Variants in SLC16A2 observed in about 807,000 individuals in gnomAD.
The protein encoded by SLC16A2 is monocarboxylate transporter 8.
SLC16A2 carries 3 observed loss-of-function variants against 27.2 expected under a neutral mutation model. The observed-to-expected ratio is 0.11, with a 90% CI of 0.05 to 0.28. The LOEUF (loss-of-function observed/expected upper bound fraction) is 0.28. Among genes scored for constraint, SLC16A2 ranks in the 10% least tolerant of loss-of-function variants. SLC16A2 has a pLI of 1.00. For synonymous variants in SLC16A2, 202 were observed against 187.8 expected (o/e 1.08, Z -0.62); for missense variants, 295 against 458.5 (o/e 0.64, Z 3.26).
chrX:74,482,998 G>A (rs1371098860), intron 1 of SLC16A2, among the ~76,000 whole-genome samples: 1 of 111,984 alleles, frequency 8.9e-6, no homozygotes, highest in Non-Finnish European at 1.9e-5. Context: ...GAGCCACCCT[G>A]ACTGACTCTT....
chrX:74,435,553 AT>A (rs574089496), intron 1 of SLC16A2, among the ~76,000 whole-genome samples: 1,679 of 87,713 alleles, frequency 0.019, 19 homozygotes, highest in African/African-American at 0.024. Context: ...ATATATATAT[AT>A]TTTTTTTTTT....
intron 1 of SLC16A2, among the ~76,000 whole-genome samples, chrX:74,463,161 C>T (rs140394446): frequency 0.013 from 1,469 of 111,355 alleles, 22 homozygotes; most frequent in African/African-American, 0.046. Context: ...AAAAAAAAAT[C>T]GGTGGAGTTT....
intron 1 of SLC16A2, among the ~76,000 whole-genome samples, chrX:74,520,106 G>C (rs977321363): frequency 4.5e-5 from 5 of 112,331 alleles, no homozygotes; most frequent in African/African-American, 9.7e-5. Flanking sequence ...ATTGGAGAGA[G>C]CCAGAAGTTG....
At chrX:74,465,386 G>A (rs1351053617) in intron 1 of SLC16A2, among the ~76,000 whole-genome samples, 1 of 110,550 alleles carries the variant, frequency 9.0e-6, no homozygotes, top group Admixed American at 9.6e-5. Flanking sequence ...AATGAACTAT[G>A]GCAGAGAAAG....
At chrX:74,492,329 T>C (rs1266939760) in intron 1 of SLC16A2, among the ~76,000 whole-genome samples, 1 of 111,022 alleles carries the variant, frequency 9.0e-6, no homozygotes, top group Non-Finnish European at 1.9e-5. Flanking sequence ...CAAGAAAAAG[T>C]ACATTCTAAG....
chrX:74,471,234 A>G (rs1025141847), intron 1 of SLC16A2, among the ~76,000 whole-genome samples: 5 of 111,900 alleles, frequency 4.5e-5, no homozygotes, highest in Admixed American at 2.9e-4. Flanking sequence ...TGCATTTTAC[A>G]TTTAGGTCTA....
chrX:74,423,124 G>A (rs1199603407), intron 1 of SLC16A2, among the ~76,000 whole-genome samples: 1 of 112,573 alleles, frequency 8.9e-6, no homozygotes, highest in African/African-American at 3.2e-5. Flanking sequence ...TCCCAGCAAA[G>A]CCGCTGGCGA....
intron 1 of SLC16A2, among the ~76,000 whole-genome samples, chrX:74,478,820 C>T (rs984123222): frequency 1.8e-5 from 2 of 112,040 alleles, no homozygotes; most frequent in African/African-American, 6.5e-5. Context: ...CCCCAACTCT[C>T]CTCTGGCTTG....
intron 1 of SLC16A2, among the ~76,000 whole-genome samples, chrX:74,440,636 G>A (rs1467312759): frequency 1.8e-5 from 2 of 108,228 alleles, no homozygotes; most frequent in South Asian, 8.2e-4. Context: ...GTCAATTGTG[G>A]TGTGTGGTTT....
At chrX:74,496,642 A>G (rs147818413) in intron 1 of SLC16A2, among the ~76,000 whole-genome samples, 8,802 of 112,029 alleles carry the variant, frequency 0.079, 337 homozygotes, top group South Asian at 0.19. Context: ...GGTGAAGATC[A>G]ATTAGACCCT....
intron 1 of SLC16A2, among the ~76,000 whole-genome samples, chrX:74,422,590 G>A (rs1928328324): frequency 9.0e-6 from 1 of 111,132 alleles, no homozygotes; most frequent in Non-Finnish European, 1.9e-5. Flanking sequence ...GAATCCTGAT[G>A]ACTATGAGCG....
intron 1 of SLC16A2, among the ~76,000 whole-genome samples, chrX:74,445,265 G>A (rs956719273): frequency 5.4e-5 from 6 of 111,010 alleles, no homozygotes; most frequent in Middle Eastern, 4.6e-3. Flanking sequence ...ATCTGGATTC[G>A]CTATTAAGAT....
At chrX:74,528,866 T>C in intron 4 of SLC16A2, among the ~76,000 whole-genome samples, 1 of 112,081 alleles carries the variant, frequency 8.9e-6, no homozygotes, top group Admixed American at 9.5e-5. Context: ...CCCTGATCCC[T>C]GGGGAAGCCA....
intron 1 of SLC16A2, among the ~76,000 whole-genome samples, chrX:74,480,974 C>G (rs1929607718): frequency 8.9e-6 from 1 of 112,398 alleles, no homozygotes; most frequent in African/African-American, 3.2e-5. Flanking sequence ...CTCTGCATCT[C>G]TCGAAATAAT....
chrX:74,425,349 C>T (rs1432002563), intron 1 of SLC16A2, among the ~76,000 whole-genome samples: 1 of 111,468 alleles, frequency 9.0e-6, no homozygotes, highest in Admixed American at 9.6e-5. Context: ...GGAGGAAAGC[C>T]AACTTTCCCT....
At chrX:74,441,198 C>A (rs960040090) in intron 1 of SLC16A2, among the ~76,000 whole-genome samples, 2 of 111,312 alleles carry the variant, frequency 1.8e-5, no homozygotes, top group African/African-American at 6.5e-5. Context: ...GCTGGGATTA[C>A]AGGCGTCCAC....
At chrX:74,510,677 T>G (rs1211380942) in intron 1 of SLC16A2, among the ~76,000 whole-genome samples, 2 of 111,636 alleles carry the variant, frequency 1.8e-5, no homozygotes, top group African/African-American at 3.3e-5. Context: ...AAACAATAGC[T>G]GCAGAGGGAA....
chrX:74,453,681 C>T (rs1302502804), intron 1 of SLC16A2, among the ~76,000 whole-genome samples: 2 of 110,540 alleles, frequency 1.8e-5, no homozygotes, highest in East Asian at 2.8e-4. Flanking sequence ...GAGTTTTGAC[C>T]TGCTCCATTT....
chrX:74,454,617 A>T (rs1383558525), intron 1 of SLC16A2, among the ~76,000 whole-genome samples: 2 of 107,373 alleles, frequency 1.9e-5, no homozygotes, highest in Non-Finnish European at 1.9e-5. Context: ...TAGGAGATAT[A>T]CCTAATGTTA....
Sources: gnomAD v4.1 joint callset for allele counts (sites outside exome capture counted in the v4.1 genomes callset) on GRCh38, gnomAD v4.1.1 for gene constraint, MANE v1.5 for transcripts, NCBI Gene and HGNC (gene_info 2026-07-23, HGNC 2026-07-21) for gene names.